The following CALCOCO1 variants were observed in gnomAD, a reference collection of about 807,000 sequenced individuals.
CALCOCO1 encodes calcium-binding and coiled-coil domain-containing protein 1.
In CALCOCO1, 44 loss-of-function variants were observed where a neutral mutation model predicts 86.3. The ratio of observed to expected loss-of-function variants is 0.51; its 90% CI spans 0.40 to 0.66. CALCOCO1 has a LOEUF of 0.66. Among genes scored for constraint, CALCOCO1 ranks in the 30% least tolerant of loss-of-function variants. The pLI is 0.00. For missense variants in CALCOCO1, 708 were observed against 851.1 expected, an observed-to-expected ratio of 0.83 and a Z score of 2.09; for synonymous variants, 297 against 327.6, an observed-to-expected ratio of 0.91 and a Z score of 1.01.
intron 14 of CALCOCO1, chr12:53,712,779 T>G: frequency 1.5e-6 from 2 of 1,338,286 alleles, no homozygotes; most frequent in Non-Finnish European, 2.0e-6. Context: ...ACCTACCTGG[T>G]GGTTGGGGAA....
intron 11 of CALCOCO1, 76 bp from the exon 12 acceptor site, chr12:53,714,317 C>T (rs2120557348): frequency 9.1e-7 from 1 of 1,104,342 alleles, no homozygotes. Flanking sequence ...GAAGCTGCAC[C>T]CAAGAAGAAC....
In CALCOCO1 at chr12:53,712,067, G is replaced by C. The variant is rs750081095; in HGVS notation, c.1953C>G (p.Pro651=). The C allele has an allele frequency of 6.2e-6, 10 of 1,611,294 alleles. No homozygotes were observed. In the Admixed American group the frequency reaches 1.7e-4, roughly 27 times the overall value. ...SETSTGGPAT[P]TWKECPICKE... is the part of the protein sequence containing the mutation. ...TACAGATAGGACACTCCTTCCATGT[G>C]GGGGTGGCAGGGCCCCCAGTGCTGG... Residue 651 remains proline (P), a synonymous_variant, in exon 15 of 15, where the codon CCC becomes CCG. Transcript: ENST00000550804.
Position 53,721,452 on chromosome 12 carries a change from G to A in CALCOCO1, c.758+15C>T, listed in dbSNP as rs7310848. On this transcript the variant is annotated intron_variant, in intron 6 of 14. Transcript: ENST00000550804. Reference sequence around the variant, plus strand: ...GAAGGGAGAGGAAGTGACGGGGTCAGTGGACTCCCCTCACCTGTCCAGCTC... The same window carrying A: ...GAAGGGAGAGGAAGTGACGGGGTCAATGGACTCCCCTCACCTGTCCAGCTC... 1.1e-4 allele frequency: 182 copies of A among 1,587,644 alleles called. No homozygotes were observed. The African/African-American group carries it at 2.2e-3, about 20-fold the overall frequency.
At position 53,715,365 on chromosome 12, in the gene CALCOCO1, G is replaced by A. The variant is rs754808822; in HGVS notation, c.1261-40C>T. ...AGAAGGAAAATGGGAGGGTGGAGGGGGAAGAAAAAGGAACGCCACTGTCAA... is the reference window on the plus strand; with the variant it reads ...AGAAGGAAAATGGGAGGGTGGAGGGAGAAGAAAAAGGAACGCCACTGTCAA... On this transcript the variant is annotated intron_variant, in intron 9 of 14. Transcript: ENST00000550804. The A allele has an allele frequency of 9.9e-6, 16 of 1,612,122 alleles. No individual in the cohort carries two copies. The South Asian group carries it at 1.8e-4, about 18-fold the overall frequency.
chr12:53,725,261 GTCC>G lies in CALCOCO1; in HGVS notation c.-22_-20del. The G allele has an allele frequency of 6.4e-7, 1 of 1,560,532 alleles. No homozygotes were observed. On this transcript the variant is annotated splice_region_variant and 5_prime_UTR_variant, in exon 2 of 15. Coordinates refer to ENST00000550804, the MANE Select transcript of CALCOCO1 (RefSeq NM_020898.3). Reference sequence around the variant, plus strand: ...CTTCCATCCTGGCCTTGAGATATCTGTCCTCCTATGAAAGAAAGGGTTGATAGC... The same window carrying G: ...CTTCCATCCTGGCCTTGAGATATCTGTCCTATGAAAGAAAGGGTTGATAGC...
chr12:53,715,309 A>T lies in CALCOCO1; in HGVS notation c.1277T>A (p.Ile426Asn), dbSNP rs1002839709. Reference sequence around the variant, plus strand: ...AAGTATCTCTGCACTCAGCTTCAGGATCTTGTCCTTCTCTGCCTGAGAGAT... The same window carrying T: ...AAGTATCTCTGCACTCAGCTTCAGGTTCTTGTCCTTCTCTGCCTGAGAGAT... The part of the protein sequence containing the change: ...LQSVEAEKDK[I>N]LKLSAEILRL... Residue 426 changes from isoleucine (I) to asparagine (N), a missense_variant, in exon 10 of 15, where the codon ATC (isoleucine) becomes AAC (asparagine). Transcript: ENST00000550804. 1.2e-6 allele frequency: 2 copies of T among 1,614,032 alleles called. No homozygotes were observed. The highest frequency in any genetic ancestry group is 2.7e-5 in the African/African-American group (2 of 74,906).
In CALCOCO1 at chr12:53,712,104, G is replaced by A. The variant is rs958363571; in HGVS notation, c.1916C>T (p.Thr639Ile). The A allele has an allele frequency of 6.2e-7, 1 of 1,604,244 alleles. No homozygotes were observed. The highest frequency in any genetic ancestry group is 2.2e-5 in the East Asian group (1 of 44,660). ...YDMASGFTVG[T>I]LSETSTGGPA... ...GCCCCCAGTGCTGGTTTCTGACAGG[G>A]TACCCACTGTAAAGCCACTAAGAGA... is the stretch of plus-strand genomic sequence containing the variant. The change falls in exon 15 of 15, where the codon ACC becomes ATC. Residue 639 changes from threonine (T) to isoleucine (I), a missense_variant. Transcript: ENST00000550804.
Position 53,713,138 on chromosome 12 carries a change from C to T in CALCOCO1, c.1860G>A (p.Leu620=). 6.2e-7 allele frequency: 1 copy of T among 1,614,128 alleles called. No homozygotes were observed. The highest frequency in any genetic ancestry group is 8.5e-7 in the Non-Finnish European group (1 of 1,180,006). The change falls in exon 14 of 15, where the codon CTG becomes CTA. Residue 620 remains leucine (L), a synonymous_variant. Coordinates refer to ENST00000550804, the MANE Select transcript of CALCOCO1 (RefSeq NM_020898.3). The stretch of plus-strand genomic sequence containing the variant: ...AGAAGGCACTGCCCAGTTCAGGAAG[C>T]AGTAAGTTGGCCTCCTCACCCCCAC... The part of the protein sequence containing the change: ...VQSGGEEANL[L]LPELGSAFYD...
At position 53,710,992 on chromosome 12, in the gene CALCOCO1, C is replaced by A. The variant is rs764600953; in HGVS notation, c.*952G>T. Reference sequence around the variant, plus strand: ...ACAGGACAGTAACTGCCCAGCATCCCCTGCCATGAGGCAGGGATGCGTCCC... The same window carrying A: ...ACAGGACAGTAACTGCCCAGCATCCACTGCCATGAGGCAGGGATGCGTCCC... On this transcript the variant is annotated 3_prime_UTR_variant, in exon 15 of 15. Transcript: ENST00000550804. The A allele has an allele frequency of 1.7e-5, 6 of 343,952 alleles. No homozygotes were observed. The highest frequency in any genetic ancestry group is 1.3e-4 in the African/African-American group (6 of 46,756). The allele number at this position is 343,952 out of a possible 1,614,324, so 21.3% of individuals were successfully genotyped here.
chr12:53,723,607 C>T lies in CALCOCO1; in HGVS notation c.436G>A (p.Ala146Thr). ...GSDILLVVPK[A>T]TVLQNQLDES... ...TCTTTTCTCACCTGTAACACAGTTG[C>T]CTTGGGGACAACCAGCAGGATGTCA... The change falls in exon 4 of 15, where the codon GCA becomes ACA. Residue 146 changes from alanine (A) to threonine (T), a missense_variant. Coordinates refer to ENST00000550804, the MANE Select transcript of CALCOCO1 (RefSeq NM_020898.3). 1.2e-6 allele frequency: 2 copies of T among 1,614,202 alleles called. No individual in the cohort carries two copies. The highest frequency in any genetic ancestry group is 1.1e-5 in the South Asian group (1 of 91,086).
In CALCOCO1 at chr12:53,715,220, G is replaced by A. The variant is rs372812036; in HGVS notation, c.1366C>T (p.Arg456Trp). 2.6e-5 allele frequency: 42 copies of A among 1,613,946 alleles called. No homozygotes were observed. The highest frequency in any genetic ancestry group is 4.5e-5 in the East Asian group (2 of 44,884). Residue 456 changes from arginine (R) to tryptophan (W), a missense_variant, in exon 10 of 15, where the codon CGG (arginine) becomes TGG (tryptophan). By Grantham distance (101) the Arg-to-Trp change is moderately radical. Coordinates refer to ENST00000550804, the MANE Select transcript of CALCOCO1 (RefSeq NM_020898.3). ...QNQVFKTELA[R>W]EKDSSLVQLS... ...CTCACCAGGCTAGAATCCTTCTCCC[G>A]GGCCAGCTCAGTCTTGAACACTTGG... is the stretch of plus-strand genomic sequence containing the variant.
chr12:53,718,253 A>G (rs372834909), intron 7 of CALCOCO1, among the ~76,000 whole-genome samples: 1 of 152,178 alleles, frequency 6.6e-6, no homozygotes, highest in African/African-American at 2.4e-5. Flanking sequence ...ATATTGTACA[A>G]CCAAAATAAA....
intron 1 of CALCOCO1, chr12:53,725,554 G>A (rs1946004765): frequency 5.1e-6 from 1 of 196,534 alleles, no homozygotes; most frequent in African/African-American, 2.3e-5. Flanking sequence ...AAAGGACACT[G>A]ACGGGGACAG....
rs528688684 is a variant in CALCOCO1 at position 53,721,441 on chromosome 12, T to A, written c.758+26A>T. Reference sequence around the variant, plus strand: ...CGGGGGTCATGGAAGGGAGAGGAAGTGACGGGGTCAGTGGACTCCCCTCAC... The same window carrying A: ...CGGGGGTCATGGAAGGGAGAGGAAGAGACGGGGTCAGTGGACTCCCCTCAC... On this transcript the variant is annotated intron_variant, in intron 6 of 14. Coordinates refer to ENST00000550804, the MANE Select transcript of CALCOCO1 (RefSeq NM_020898.3). 4 of 1,569,076 alleles carry A rather than the reference T, an allele frequency of 2.5e-6. No individual in the cohort carries two copies. In the East Asian group the frequency reaches 6.9e-5, roughly 27 times the overall value.
chr12:53,719,879 G>A, intron 6 of CALCOCO1, 50 bp from the exon 7 acceptor site: 6 of 1,297,102 alleles, frequency 4.6e-6, no homozygotes, highest in Non-Finnish European at 6.7e-6. Context: ...CCCAGAGAAG[G>A]AATGGACTCA....
intron 14 of CALCOCO1, chr12:53,712,398 C>T: frequency 2.7e-6 from 1 of 376,424 alleles, no homozygotes. Context: ...CCGTCTGCTG[C>T]CTAATGAGGC....
intron 10 of CALCOCO1, 129 bp downstream of exon 10, chr12:53,715,071 G>C: frequency 8.7e-7 from 1 of 1,147,826 alleles, no homozygotes. Context: ...GCTTGCGTGT[G>C]CAAGTGAAAT....
Position 53,724,728 on chromosome 12 carries a change from C to T in CALCOCO1, c.176G>A (p.Arg59Gln), listed in dbSNP as rs759644053. The T allele has an allele frequency of 5.0e-6, 8 of 1,612,910 alleles. No homozygotes were observed. Among genetic ancestry groups the T allele is most frequent in the East Asian group, 2.2e-5 (1 of 44,858 alleles). Residue 59 changes from arginine to glutamine, a missense_variant, in exon 3 of 15, where the codon CGG becomes CAG. Physicochemically the swap from Arg to Gln is conservative, Grantham distance 43. Transcript: ENST00000550804. ...AGACCACACAAATGTGTGGTAATCCCGAACACAGGCAGCCTCCACCTGTGA... is the reference window on the plus strand; with the variant it reads ...AGACCACACAAATGTGTGGTAATCCTGAACACAGGCAGCCTCCACCTGTGA... Reference protein sequence around the residue: ...GIFKVEAACVRDYHTFVWSSV... With the variant: ...GIFKVEAACVQDYHTFVWSSV...
At chr12:53,712,991 A>C in intron 14 of CALCOCO1, 109 bp downstream of exon 14, 1 of 1,270,002 alleles carries the variant, frequency 7.9e-7, no homozygotes, top group Admixed American at 1.9e-5. Flanking sequence ...TTCTTGGCTG[A>C]GGCCAAGAAG....
Sources: gnomAD v4.1 joint callset for allele counts (sites outside exome capture counted in the v4.1 genomes callset) on GRCh38, gnomAD v4.1.1 for gene constraint, MANE v1.5 for transcripts, NCBI Gene and HGNC (gene_info 2026-07-23, HGNC 2026-07-21) for gene names.